The following ITPR3 variants were observed in gnomAD, a reference collection of about 807,000 sequenced individuals.
ITPR3 encodes inositol 1,4,5-trisphosphate-gated calcium channel ITPR3.
ITPR3 carries 173 observed loss-of-function variants against 293.2 expected under a neutral mutation model. The observed-to-expected ratio is 0.59, with a 90% CI of 0.52 to 0.67. The LOEUF (loss-of-function observed/expected upper bound fraction) is 0.67, where lower values mean the gene tolerates loss of function less well. Ranked by LOEUF, ITPR3 falls within the 30% of genes least tolerant of loss-of-function variation. The pLI, the probability that ITPR3 is intolerant of heterozygous loss-of-function variation, is 0.00. For missense variants in ITPR3, 2,796 were observed against 3,592.1 expected, an observed-to-expected ratio of 0.78 and a Z score of 5.66; for synonymous variants, 1,295 against 1,444.4, an observed-to-expected ratio of 0.90 and a Z score of 2.35.
Position 33,670,891 on chromosome 6 carries a change from A to C in ITPR3, c.2586+76A>C. 6.5e-7 allele frequency: 1 copy of C among 1,548,198 alleles called. No homozygotes were observed. On this transcript the variant is annotated intron_variant, in intron 20 of 57. Transcript: ENST00000605930. The surrounding 1 kb of genome is among the most constrained non-coding windows in gnomAD (Gnocchi z 6.7). The stretch of plus-strand genomic sequence containing the variant: ...CCCACACTGGCCTCGGTCTTCACCC[A>C]GGAGTCGGCTGTGGGATCCATGACC...
chr6:33,681,749 G>A (rs961815168), intron 33 of ITPR3, among the ~76,000 whole-genome samples: 20 of 152,206 alleles, frequency 1.3e-4, no homozygotes, highest in Non-Finnish European at 2.4e-4. Flanking sequence ...GAAGGGTGGT[G>A]TATTTTGACA....
intron 13 of ITPR3, 60 bp downstream of exon 13, chr6:33,665,273 C>T (rs1365598767): frequency 1.3e-6 from 2 of 1,570,380 alleles, no homozygotes; most frequent in Non-Finnish European, 1.7e-6. Flanking sequence ...GCCTGCATTT[C>T]ATGAAGAAAG....
rs544127460 is a variant in ITPR3, at chr6:33,692,202, A to C, written c.7458+274A>C. Among the ~76,000 whole-genome samples, 116 of 152,336 alleles carry C rather than the reference A, an allele frequency of 7.6e-4. 1 individual carries two copies. The highest frequency in any genetic ancestry group is 3.9e-3 in the Admixed American group (60 of 15,310). On this transcript the variant is annotated intron_variant, in intron 54 of 57. Coordinates refer to ENST00000605930, the MANE Select transcript of ITPR3 (RefSeq NM_002224.4). The surrounding 1 kb of genome is among the most constrained non-coding windows in gnomAD (Gnocchi z 4.2). ...TGGTGACCACTGGCTTTCCTAGCCC[A>C]CAGCAGGTGGGCAGAGGGCGGAGCT...
chr6:33,655,715 C>T lies in ITPR3; in HGVS notation c.161-51C>T, dbSNP rs1194650758. The T allele has an allele frequency of 1.9e-6, 3 of 1,611,286 alleles. No homozygotes were observed. Among genetic ancestry groups the T allele is most frequent in the East Asian group, 2.2e-5 (1 of 44,858 alleles). On this transcript the variant is annotated intron_variant, in intron 2 of 57. Transcript: ENST00000605930. The surrounding 1 kb of genome is among the most constrained non-coding windows in gnomAD (Gnocchi z 4.9). ...GGCTGGGGTTTTCTCCAGGGAGGGCCCTGAGCCCCAGATGAATCATTCCCC... is the reference window on the plus strand; with the variant it reads ...GGCTGGGGTTTTCTCCAGGGAGGGCTCTGAGCCCCAGATGAATCATTCCCC...
At chr6:33,668,428 C>T in intron 16 of ITPR3, 87 bp from the exon 17 acceptor site, 6 of 1,567,750 alleles carry the variant, frequency 3.8e-6, no homozygotes, top group Middle Eastern at 1.7e-4. Flanking sequence ...GCGGTGCTGC[C>T]AGCTGGGGAA....
In ITPR3 at chr6:33,654,070, C is replaced by G. The variant is rs1342214140; in HGVS notation, c.161-1696C>G. Among the ~76,000 whole-genome samples, 3 of 152,082 alleles carry G rather than the reference C, an allele frequency of 2.0e-5. No individual in the cohort carries two copies. Among genetic ancestry groups the G allele is most frequent in the African/African-American group, 7.2e-5 (3 of 41,410 alleles). ...ATCACTTGAGGTCAGGAGTTTGAGA[C>G]CAGCTTGGGCAATATGGCGAAACCC... is the stretch of plus-strand genomic sequence containing the variant. On this transcript the variant is annotated intron_variant, in intron 2 of 57. Coordinates refer to ENST00000605930, the MANE Select transcript of ITPR3 (RefSeq NM_002224.4). The surrounding 1 kb of genome is among the most constrained non-coding windows in gnomAD (Gnocchi z 4.1).
chr6:33,666,038 A>G lies in ITPR3; in HGVS notation c.1551+62A>G. On this transcript the variant is annotated intron_variant, in intron 14 of 57. Transcript: ENST00000605930. This position sits in a 1 kb window ranked among gnomAD's most constrained non-coding sequence, Gnocchi z 5.1. Reference sequence around the variant, plus strand: ...GGTGCCCGGGAGAGGGATGCCTTCAACTGCAGGCTCATCCCCCGCTTTAAC... The same window carrying G: ...GGTGCCCGGGAGAGGGATGCCTTCAGCTGCAGGCTCATCCCCCGCTTTAAC... 6.5e-7 allele frequency: 1 copy of G among 1,527,526 alleles called. No homozygotes were observed. Among genetic ancestry groups the G allele is most frequent in the Non-Finnish European group, 8.9e-7 (1 of 1,128,536 alleles). 94.6% of individuals were successfully genotyped at this position (1,527,526 alleles called of 1,614,324 possible).
intron 21 of ITPR3, 73 bp downstream of exon 21, chr6:33,671,379 T>A (rs1764761752): frequency 1.3e-5 from 14 of 1,086,852 alleles, no homozygotes; most frequent in Non-Finnish European, 1.9e-5. Context: ...TTCCCTCAGA[T>A]CAACACCTTC....
intron 3 of ITPR3, among the ~76,000 whole-genome samples, chr6:33,656,899 G>C (rs1390431780): frequency 2.0e-5 from 3 of 152,230 alleles, no homozygotes; most frequent in African/African-American, 7.2e-5. Context: ...GCTGGAGAGA[G>C]GGAGCTGCAG....
In ITPR3 at chr6:33,690,179, A is replaced by T; in HGVS notation, c.7013A>T (p.Glu2338Val). The T allele has an allele frequency of 6.2e-7, 1 of 1,608,516 alleles. No individual in the cohort carries two copies. Among genetic ancestry groups the T allele is most frequent in the Non-Finnish European group, 8.5e-7 (1 of 1,177,416 alleles). ...LTSVLGLFAH[E>V]LFYSILLFDL... is the part of the protein sequence containing the mutation. ...AGTGTCCTGGGCCTCTTTGCTCATGAGCTGTTCTACAGCATCCTGGTGAGG... is the reference window on the plus strand; with the variant it reads ...AGTGTCCTGGGCCTCTTTGCTCATGTGCTGTTCTACAGCATCCTGGTGAGG... Residue 2338 changes from glutamate (E) to valine (V), a missense_variant, in exon 51 of 58, where the codon GAG becomes GTG. Glu to Val is a moderately radical substitution (Grantham distance 121). This residue lies in a region of ITPR3 where 568 missense variants were observed against 796.1 expected (regional missense o/e 0.71). Transcript: ENST00000605930.
Position 33,685,431 on chromosome 6 carries a change from A to C in ITPR3, c.5380A>C (p.Lys1794Gln). Residue 1794 changes from lysine (K) to glutamine (Q), a missense_variant, in exon 40 of 58, where the codon AAG becomes CAG. Around this residue, in one of 8 missense-constraint regions of ITPR3, gnomAD observed 704 missense variants for 797.5 expected, o/e 0.88. Transcript: ENST00000605930. ...RFFKVLHDRM[K>Q]RAQQETKSTV... ...CTTCAAGGTGCTGCACGACCGCATG[A>C]AGCGGGCCCAGCAGGAGACCAAGTC... 6.2e-7 allele frequency: 1 copy of C among 1,614,138 alleles called. No individual in the cohort carries two copies. The highest frequency in any genetic ancestry group is 8.5e-7 in the Non-Finnish European group (1 of 1,180,016).
Position 33,694,907 on chromosome 6 carries a change from C to T in ITPR3, c.7786-17C>T. 1 of 1,614,086 alleles carries T rather than the reference C, an allele frequency of 6.2e-7. No homozygotes were observed. Among genetic ancestry groups the T allele is most frequent in the Non-Finnish European group, 8.5e-7 (1 of 1,180,020 alleles). On this transcript the variant is annotated splice_polypyrimidine_tract_variant and intron_variant, in intron 56 of 57. Coordinates refer to ENST00000605930, the MANE Select transcript of ITPR3 (RefSeq NM_002224.4). ...GCCGGGCCCACGCCTGCTTAACCCA[C>T]TGGTGATGTTTTTCAGAACAAGAAC...
At chr6:33,646,121 C>A (rs992120974) in intron 2 of ITPR3, among the ~76,000 whole-genome samples, 9 of 152,156 alleles carry the variant, frequency 5.9e-5, no homozygotes, top group Non-Finnish European at 8.8e-5. Flanking sequence ...CAGGCGTGAG[C>A]CACCACACCT....
At position 33,652,686 on chromosome 6, in the gene ITPR3, G is replaced by A. The variant is rs569075715; in HGVS notation, c.161-3080G>A. On this transcript the variant is annotated intron_variant, in intron 2 of 57. Coordinates refer to ENST00000605930, the MANE Select transcript of ITPR3 (RefSeq NM_002224.4). Reference sequence around the variant, plus strand: ...TCACCACGTTGGTCAGGCTGGTCTCGAACTCCTGACCTCGTGATCTGCCCG... The same window carrying A: ...TCACCACGTTGGTCAGGCTGGTCTCAAACTCCTGACCTCGTGATCTGCCCG... Among the ~76,000 whole-genome samples, 836 of 152,120 alleles carry A rather than the reference G, an allele frequency of 5.5e-3. 4 individuals carry two copies. The highest frequency in any genetic ancestry group is 0.01 in the Admixed American group (154 of 15,266).
In ITPR3 at chr6:33,675,894, C is replaced by A. The variant is rs1333048476; in HGVS notation, c.3282+38C>A. The stretch of plus-strand genomic sequence containing the variant: ...CCTGGCCCTGGCCCTGAGCATGAGG[C>A]CTGCACCAGGCACGGGGGGACAGTA... On this transcript the variant is annotated intron_variant, in intron 25 of 57. Coordinates refer to ENST00000605930, the MANE Select transcript of ITPR3 (RefSeq NM_002224.4). The surrounding 1 kb of genome is among the most constrained non-coding windows in gnomAD (Gnocchi z 5.0). The A allele has an allele frequency of 6.6e-7, 1 of 1,516,510 alleles. No homozygotes were observed. Among genetic ancestry groups the A allele is most frequent in the East Asian group, 2.5e-5 (1 of 39,868 alleles). The allele number at this position is 1,516,510 out of a possible 1,614,324, so 93.9% of individuals were successfully genotyped here. A position where few individuals can be genotyped will look rare whatever the true frequency, so the allele number is the denominator to read the frequency against.
rs2127297219 is a variant in ITPR3, at chr6:33,679,208, T to C, written c.3972+369T>C. Among the ~76,000 whole-genome samples, 1 of 152,188 alleles carries C rather than the reference T, an allele frequency of 6.6e-6. No homozygotes were observed. The highest frequency in any genetic ancestry group is 6.5e-5 in the Admixed American group (1 of 15,290). Reference sequence around the variant, plus strand: ...GGGACATCAGCTGAGTGTCAGCTCCTGGGGGGCACGGGCAGGGACCCCATC... The same window carrying C: ...GGGACATCAGCTGAGTGTCAGCTCCCGGGGGGCACGGGCAGGGACCCCATC... On this transcript the variant is annotated intron_variant, in intron 30 of 57. Transcript: ENST00000605930. The surrounding 1 kb of genome is among the most constrained non-coding windows in gnomAD (Gnocchi z 4.2).
intron 50 of ITPR3, 100 bp from the exon 51 acceptor site, chr6:33,689,934 G>A: frequency 7.1e-7 from 1 of 1,408,686 alleles, no homozygotes; most frequent in Non-Finnish European, 9.8e-7. Flanking sequence ...TTTCATTAAT[G>A]CCATGCCTCC....
At chr6:33,645,052 G>T (rs1402740603) in intron 2 of ITPR3, among the ~76,000 whole-genome samples, 1 of 151,392 alleles carries the variant, frequency 6.6e-6, no homozygotes, top group Non-Finnish European at 1.5e-5. Context: ...CTGGTTCCTG[G>T]CCAGGCATAG....
Position 33,621,956 on chromosome 6 carries a change from G to A in ITPR3, c.89+265G>A, listed in dbSNP as rs543883897. ...CCCTCCCGCGCACGCCTTTGGAGGG[G>A]GCGGAGGGACGGAGGCTTCCTTTGC... On this transcript the variant is annotated intron_variant, in intron 1 of 57. Coordinates refer to ENST00000605930, the MANE Select transcript of ITPR3 (RefSeq NM_002224.4). The surrounding 1 kb of genome is among the most constrained non-coding windows in gnomAD (Gnocchi z 7.7). 6.6e-6 allele frequency among the ~76,000 whole-genome samples: 1 copy of A among 152,362 alleles called. No individual in the cohort carries two copies. Among genetic ancestry groups the A allele is most frequent in the African/African-American group, 2.4e-5 (1 of 41,594 alleles).
Sources: gnomAD v4.1 joint callset for allele counts (sites outside exome capture counted in the v4.1 genomes callset) on GRCh38, gnomAD v4.1.1 for gene constraint, gnomAD v4.1.1 regional missense constraint, Gnocchi (gnomAD v3.1) non-coding constraint, MANE v1.5 for transcripts, NCBI Gene and HGNC (gene_info 2026-07-23, HGNC 2026-07-21) for gene names.